Variants in CTNNA2 observed in about 807,000 individuals in gnomAD.
CTNNA2 encodes the protein catenin alpha-2.
CTNNA2 carries 42 observed loss-of-function variants against 101.0 expected under a neutral mutation model. The observed-to-expected ratio is 0.42, with a 90% CI of 0.32 to 0.54. The LOEUF (loss-of-function observed/expected upper bound fraction) is 0.54, where lower values mean the gene tolerates loss of function less well. Ranked by LOEUF, CTNNA2 falls within the 20% of genes least tolerant of loss-of-function variation. The pLI, the probability that CTNNA2 is intolerant of heterozygous loss-of-function variation, is 0.14. For missense variants in CTNNA2, 871 were observed against 1,223.1 expected, an observed-to-expected ratio of 0.71 and a Z score of 4.29; for synonymous variants, 450 against 456.4, an observed-to-expected ratio of 0.99 and a Z score of 0.18.
intron 4 of CTNNA2, among the ~76,000 whole-genome samples, chr2:79,393,426 T>C (rs1360455214): frequency 1.3e-5 from 2 of 152,104 alleles, no homozygotes; most frequent in African/African-American, 4.8e-5. Flanking sequence ...CACTCATTTG[T>C]TTATGTTTTG....
At chr2:79,589,681 G>C (rs1210014458) in intron 1 of CTNNA2, among the ~76,000 whole-genome samples, 1 of 150,134 alleles carries the variant, frequency 6.7e-6, no homozygotes, top group African/African-American at 2.5e-5. Context: ...CTGAATCATA[G>C]GTGCTTTCCT....
chr2:79,576,474 A>G (rs552131101), intron 1 of CTNNA2, among the ~76,000 whole-genome samples: 1 of 152,140 alleles, frequency 6.6e-6, no homozygotes, highest in Non-Finnish European at 1.5e-5. Context: ...TTAAAATATT[A>G]TTCAAAAAAG....
At chr2:79,842,985 G>C (rs1249728957) in intron 3 of CTNNA2, among the ~76,000 whole-genome samples, 1 of 152,178 alleles carries the variant, frequency 6.6e-6, no homozygotes, top group East Asian at 1.9e-4. Flanking sequence ...TGGCAAAATA[G>C]ATTTGTACAA....
At chr2:79,502,661 A>G (rs1443094852) in intron 4 of CTNNA2, among the ~76,000 whole-genome samples, 1 of 152,196 alleles carries the variant, frequency 6.6e-6, no homozygotes, top group Non-Finnish European at 1.5e-5. Context: ...ATATAATTTT[A>G]TAATTATCCA....
At chr2:80,166,703 G>A (rs549007523) in intron 7 of CTNNA2, among the ~76,000 whole-genome samples, 1 of 152,254 alleles carries the variant, frequency 6.6e-6, no homozygotes, top group East Asian at 1.9e-4. Context: ...TGGGGCTTGT[G>A]ATCTGTGTCT....
At chr2:80,250,905 G>A (rs1426970735) in intron 7 of CTNNA2, among the ~76,000 whole-genome samples, 1 of 152,078 alleles carries the variant, frequency 6.6e-6, no homozygotes, top group Non-Finnish European at 1.5e-5. Flanking sequence ...GATATTGGTA[G>A]GTATTAAACT....
At chr2:80,081,731 ATCTC>A (rs141997672) in intron 7 of CTNNA2, among the ~76,000 whole-genome samples, 150 of 144,096 alleles carry the variant, frequency 1.0e-3, no homozygotes, top group African/African-American at 3.4e-3. Context: ...CGCTAAGACA[ATCTC>A]TCTCTCTCTC....
chr2:80,025,163 G>T lies in CTNNA2; in HGVS notation c.1056+115366G>T, dbSNP rs184255993. 7.3e-3 allele frequency among the ~76,000 whole-genome samples: 1,115 copies of T among 152,254 alleles called. 19 individuals are homozygous for T. Among genetic ancestry groups the T allele is most frequent in the African/African-American group, 0.026 (1,065 of 41,536 alleles). ...TGCCCTTCTGCCAGTGGAGCTTGGG[G>T]TTTTTATGGGTACAGGGTGGGTAGC... On this transcript the variant is annotated intron_variant, in intron 7 of 18. Coordinates refer to ENST00000402739, the MANE Select transcript of CTNNA2 (RefSeq NM_001282597.3).
chr2:79,219,532 G>A (rs1166464759), intron 2 of CTNNA2, among the ~76,000 whole-genome samples: 1 of 152,142 alleles, frequency 6.6e-6, no homozygotes, highest in Non-Finnish European at 1.5e-5. Flanking sequence ...AAACTTGTGA[G>A]GTTAAGGTCA....
chr2:80,413,771 C>G (rs1298150103), intron 8 of CTNNA2, among the ~76,000 whole-genome samples: 2 of 152,098 alleles, frequency 1.3e-5, no homozygotes, highest in Admixed American at 6.5e-5. Flanking sequence ...CAGAACATGT[C>G]AGTAATCATG....
Position 80,074,986 on chromosome 2 carries a change from A to G in CTNNA2, c.1056+165189A>G, listed in dbSNP as rs1257081039. 2.0e-4 allele frequency among the ~76,000 whole-genome samples: 30 copies of G among 152,194 alleles called. 1 individual carries two copies. The highest frequency in any genetic ancestry group is 1.9e-3 in the Admixed American group (29 of 15,268). ...GAAGTCCGTTAAAACTACTGTGTAC[A>G]TGAACATTTGACCTTGATTCGTTTC... On this transcript the variant is annotated intron_variant, in intron 7 of 18. Transcript: ENST00000402739.
At chr2:79,480,252 C>T (rs1046914134) in intron 4 of CTNNA2, among the ~76,000 whole-genome samples, 9 of 151,998 alleles carry the variant, frequency 5.9e-5, no homozygotes, top group African/African-American at 1.9e-4. Context: ...ATGAGAGATC[C>T]ACTCCCAGGA....
chr2:79,794,700 G>A (rs2048434), intron 3 of CTNNA2, among the ~76,000 whole-genome samples: 64,426 of 152,032 alleles, frequency 0.42, 17,420 homozygotes, highest in African/African-American at 0.75. Context: ...TAACTGAAAC[G>A]TAAAGTGAGC....
intron 2 of CTNNA2, among the ~76,000 whole-genome samples, chr2:79,199,390 T>C (rs1674003671): frequency 6.6e-6 from 1 of 152,150 alleles, no homozygotes; most frequent in Non-Finnish European, 1.5e-5. Flanking sequence ...TAAGCTTCAA[T>C]TTTGCCCAAA....
chr2:80,253,480 C>T (rs1450124640), intron 7 of CTNNA2, among the ~76,000 whole-genome samples: 2 of 152,122 alleles, frequency 1.3e-5, no homozygotes, highest in Middle Eastern at 3.2e-3. Context: ...TCTATGCTCT[C>T]TCATCTTGCC....
chr2:79,941,367 G>A (rs1418813361), intron 7 of CTNNA2, among the ~76,000 whole-genome samples: 1 of 152,114 alleles, frequency 6.6e-6, no homozygotes, highest in East Asian at 1.9e-4. Flanking sequence ...TTCCTGTACT[G>A]CTCCAGTTAT....
In CTNNA2 at chr2:79,612,075, G is replaced by A. The variant is rs980951886; in HGVS notation, c.-5-39477G>A. On this transcript the variant is annotated intron_variant, in intron 1 of 18. Transcript: ENST00000402739. ...TTCTAGAATGCTTTATGCTCAGCACGTTTTCCACTATGCCAATGTTGTGAG... is the reference window on the plus strand; with the variant it reads ...TTCTAGAATGCTTTATGCTCAGCACATTTTCCACTATGCCAATGTTGTGAG... Among the ~76,000 whole-genome samples the A allele has an allele frequency of 5.9e-5, 9 of 152,168 alleles. 1 individual carries two copies. Among genetic ancestry groups the A allele is most frequent in the Admixed American group, 5.2e-4 (8 of 15,270 alleles).
At chr2:79,359,696 A>G (rs1189049595) in intron 3 of CTNNA2, among the ~76,000 whole-genome samples, 2 of 152,218 alleles carry the variant, frequency 1.3e-5, no homozygotes, top group East Asian at 3.8e-4. Context: ...CCTCACTTTC[A>G]GAAGAAGGTA....
At chr2:80,585,600 A>G (rs1225536092) in intron 14 of CTNNA2, among the ~76,000 whole-genome samples, 1 of 152,116 alleles carries the variant, frequency 6.6e-6, no homozygotes, top group Non-Finnish European at 1.5e-5. Flanking sequence ...ATTGCATGTT[A>G]TGTATTTTAT....
Sources: allele counts gnomAD v4.1 joint callset (sites outside exome capture counted in the v4.1 genomes callset), GRCh38; gene constraint gnomAD v4.1.1; transcripts MANE v1.5; gene names NCBI Gene and HGNC (gene_info 2026-07-23, HGNC 2026-07-21).